DPP10: variants seen among roughly 807,000 people sequenced by gnomAD.
The protein encoded by DPP10 is dipeptidyl peptidase like 10.
In DPP10, 33 loss-of-function variants were observed where a neutral mutation model predicts 120.9. The ratio of observed to expected loss-of-function variants is 0.27; its 90% CI spans 0.21 to 0.37. DPP10 has a LOEUF of 0.37. Among genes scored for constraint, DPP10 ranks in the 10% least tolerant of loss-of-function variants. The pLI, the probability that DPP10 is intolerant of heterozygous loss-of-function variation, is 1.00. For missense variants in DPP10, 816 were observed against 942.8 expected (o/e 0.87, Z 1.76); for synonymous variants, 337 against 326.1 (o/e 1.03, Z -0.36).
chr2:114,536,658 G>A (rs1434909967), intron 1 of DPP10, among the ~76,000 whole-genome samples: 1 of 152,086 alleles, frequency 6.6e-6, no homozygotes, highest in East Asian at 1.9e-4. Flanking sequence ...ACCTGTCTCG[G>A]CCTCTTAAAG....
chr2:115,728,195 A>C (rs949071510), intron 8 of DPP10, among the ~76,000 whole-genome samples: 6 of 151,976 alleles, frequency 3.9e-5, no homozygotes, highest in African/African-American at 1.4e-4. Flanking sequence ...GAGGACAACT[A>C]ATGAAAGTAA....
intron 3 of DPP10, among the ~76,000 whole-genome samples, chr2:115,467,331 G>A (rs1161674546): frequency 6.6e-6 from 1 of 152,056 alleles, no homozygotes; most frequent in African/African-American, 2.4e-5. Flanking sequence ...GGAGGCTGAG[G>A]CGGACAGATC....
At chr2:115,750,280 T>C (rs1678538383) in intron 10 of DPP10, 1 of 858,754 alleles carries the variant, frequency 1.2e-6, no homozygotes, top group Non-Finnish European at 1.4e-6. Context: ...CACAGGGAGA[T>C]GTACACCTAG....
intron 1 of DPP10, among the ~76,000 whole-genome samples, chr2:114,767,179 G>A (rs1574139688): frequency 1.5e-5 from 1 of 66,048 alleles, no homozygotes; most frequent in Admixed American, 2.3e-4. Flanking sequence ...ACCATAGTTA[G>A]ACAGCCAATG....
chr2:114,818,979 G>A (rs1292050334), intron 1 of DPP10, among the ~76,000 whole-genome samples: 7 of 151,998 alleles, frequency 4.6e-5, no homozygotes, highest in Non-Finnish European at 1.0e-4. Flanking sequence ...ATTACTACTT[G>A]TTTTCATTAA....
At chr2:115,536,598 A>T (rs2078859591) in intron 5 of DPP10, among the ~76,000 whole-genome samples, 1 of 152,018 alleles carries the variant, frequency 6.6e-6, no homozygotes, top group African/African-American at 2.4e-5. Flanking sequence ...AAGCAAAGTA[A>T]ATGTATGCTT....
At chr2:114,473,896 T>C (rs1680151410) in intron 1 of DPP10, among the ~76,000 whole-genome samples, 1 of 152,200 alleles carries the variant, frequency 6.6e-6, no homozygotes, top group South Asian at 2.1e-4. Context: ...CACACTTATA[T>C]ACATTTGGCT....
chr2:115,778,720 C>T (rs151217895), intron 15 of DPP10, among the ~76,000 whole-genome samples: 190 of 152,026 alleles, frequency 1.2e-3, no homozygotes, highest in African/African-American at 4.4e-3. Flanking sequence ...CTTAAAGTAC[C>T]CCGACTTCCT....
intron 3 of DPP10, among the ~76,000 whole-genome samples, chr2:115,355,286 T>G (rs932698353): frequency 6.6e-6 from 1 of 152,214 alleles, no homozygotes; most frequent in African/African-American, 2.4e-5. Context: ...CATTGTGGTT[T>G]TGATTTGCAT....
intron 5 of DPP10, among the ~76,000 whole-genome samples, chr2:115,633,155 A>T (rs1035440244): frequency 1.1e-4 from 16 of 152,184 alleles, no homozygotes; most frequent in African/African-American, 3.9e-4. Flanking sequence ...GGCACTATTC[A>T]CAATAGCAAA....
intron 1 of DPP10, among the ~76,000 whole-genome samples, chr2:115,232,777 A>G (rs1248916554): frequency 6.6e-6 from 1 of 152,220 alleles, no homozygotes; most frequent in African/African-American, 2.4e-5. Context: ...ATAAACATTA[A>G]TATTTTCTGG....
At chr2:115,632,346 C>T (rs546471920) in intron 5 of DPP10, among the ~76,000 whole-genome samples, 2 of 152,110 alleles carry the variant, frequency 1.3e-5, no homozygotes, top group African/African-American at 4.8e-5. Flanking sequence ...TGGGTCTTGA[C>T]TCTATCCAGC....
intron 1 of DPP10, among the ~76,000 whole-genome samples, chr2:114,692,261 C>A (rs1699805078): frequency 6.6e-6 from 1 of 152,032 alleles, no homozygotes; most frequent in Admixed American, 6.6e-5. Context: ...TAGCTGCATC[C>A]CAGAGATTCT....
chr2:115,056,179 C>T lies in DPP10; in HGVS notation c.61-253060C>T, dbSNP rs1014443556. 3.3e-5 allele frequency among the ~76,000 whole-genome samples: 5 copies of T among 151,992 alleles called. No individual in the cohort carries two copies. The South Asian group carries it at 1.0e-3, about 32-fold the overall frequency. ...ATACATACGGATCCTTAAACAACAT[C>T]CGGGGGTTGGAGGGTGAGGCAGGGC... is the stretch of plus-strand genomic sequence containing the variant. On this transcript the variant is annotated intron_variant, in intron 1 of 25. Transcript: ENST00000410059.
chr2:115,718,420 C>A (rs1265236742), intron 7 of DPP10, among the ~76,000 whole-genome samples: 1 of 152,296 alleles, frequency 6.6e-6, no homozygotes, highest in East Asian at 1.9e-4. Flanking sequence ...CATTTTTCTA[C>A]AGAACCATGA....
At chr2:115,669,652 C>G (rs1417407679) in intron 5 of DPP10, among the ~76,000 whole-genome samples, 1 of 151,972 alleles carries the variant, frequency 6.6e-6, no homozygotes, top group African/African-American at 2.4e-5. Flanking sequence ...AGTAATGTCC[C>G]ACGTCTTTCC....
chr2:115,434,909 A>G (rs939415767), intron 3 of DPP10, among the ~76,000 whole-genome samples: 4 of 151,746 alleles, frequency 2.6e-5, no homozygotes, highest in Admixed American at 2.0e-4. Flanking sequence ...TAGCTTCCAC[A>G]TGAGTGATAA....
At chr2:115,664,603 A>G (rs1360095490) in intron 5 of DPP10, among the ~76,000 whole-genome samples, 2 of 152,168 alleles carry the variant, frequency 1.3e-5, no homozygotes, top group African/African-American at 2.4e-5. Context: ...CTCAAGAAAA[A>G]TCTGGAAGCT....
intron 3 of DPP10, among the ~76,000 whole-genome samples, chr2:115,439,744 G>A (rs1388502865): frequency 3.3e-5 from 5 of 152,104 alleles, no homozygotes; most frequent in African/African-American, 1.2e-4. Flanking sequence ...TACCACACAT[G>A]TATTTATTCA....
Sources: gnomAD v4.1 joint callset for allele counts (sites outside exome capture counted in the v4.1 genomes callset) on GRCh38, gnomAD v4.1.1 for gene constraint, MANE v1.5 for transcripts, NCBI Gene and HGNC (gene_info 2026-07-23, HGNC 2026-07-21) for gene names.